Variants in CABIN1 observed in about 807,000 individuals in gnomAD.
CABIN1 encodes calcineurin-binding protein cabin-1.
In CABIN1, 133 loss-of-function variants were observed where a neutral mutation model predicts 227.7. The observed-to-expected ratio is 0.58, with a 90% confidence interval of 0.51 to 0.67. The LOEUF (loss-of-function observed/expected upper bound fraction) is 0.67, where lower values mean the gene tolerates loss of function less well. Ranked by LOEUF, CABIN1 falls within the 30% of genes least tolerant of loss-of-function variation. The pLI is 0.00. For synonymous variants in CABIN1, 1,086 were observed against 1,155.1 expected (o/e 0.94, Z 1.21); for missense variants, 2,408 against 2,852.5 (o/e 0.84, Z 3.55).
Position 24,136,524 on chromosome 22 carries a change from A to ATTTTTTTTTTTTTTT in CABIN1, c.4746+2119_4746+2133dup, listed in dbSNP as rs145864566. Among the ~76,000 whole-genome samples, 170 of 69,870 alleles carry ATTTTTTTTTTTTTTT rather than the reference A, an allele frequency of 2.4e-3. 17 individuals carry two copies. The highest frequency in any genetic ancestry group is 7.8e-3 in the African/African-American group (129 of 16,478). 45.8% of individuals were successfully genotyped at this position (69,870 alleles called of 152,430 possible). A position where few individuals can be genotyped will look rare whatever the true frequency, so the allele number is the denominator to read the frequency against. On this transcript the variant is annotated intron_variant, in intron 29 of 36. Transcript: ENST00000263119. The stretch of plus-strand genomic sequence containing the variant: ...ACTGCCACGCCCAGCTAATTTTTGT[A>ATTTTTTTTTTTTTTT]TTTTTTTTTTTTTTTTTTTTTTTTA...
chr22:24,165,526 G>A lies in CABIN1; in HGVS notation c.4911-4G>A, dbSNP rs375019224. The A allele has an allele frequency of 6.8e-5, 110 of 1,611,470 alleles. No individual in the cohort carries two copies. Among genetic ancestry groups the A allele is most frequent in the Non-Finnish European group, 9.0e-5 (106 of 1,179,338 alleles). On this transcript the variant is annotated splice_region_variant and splice_polypyrimidine_tract_variant and intron_variant, in intron 30 of 36. Transcript: ENST00000263119. ...CCTCTCTGACTACCCCTGTATGACCGCAGGAAGTATCTGCGAGATGCTGAC... is the reference window on the plus strand; with the variant it reads ...CCTCTCTGACTACCCCTGTATGACCACAGGAAGTATCTGCGAGATGCTGAC...
intron 28 of CABIN1, 103 bp downstream of exon 28, chr22:24,119,801 C>G (rs2043295619): frequency 2.6e-6 from 3 of 1,139,788 alleles, no homozygotes; most frequent in Non-Finnish European, 4.0e-6. Flanking sequence ...TTCACGGTAG[C>G]AGCACATGGG....
At chr22:24,031,619 A>G (rs2036501764) in intron 1 of CABIN1, among the ~76,000 whole-genome samples, 1 of 152,224 alleles carries the variant, frequency 6.6e-6, no homozygotes, top group African/African-American at 2.4e-5. Flanking sequence ...GCAGCAGTTC[A>G]GACGGAGGCT....
intron 1 of CABIN1, among the ~76,000 whole-genome samples, chr22:24,013,320 C>G (rs1480855825): frequency 1.3e-5 from 2 of 151,376 alleles, no homozygotes; most frequent in Admixed American, 1.3e-4. Flanking sequence ...CCTCAGCCTC[C>G]CTAGTAGCTG....
chr22:24,066,977 C>T lies in CABIN1; in HGVS notation c.2038-10C>T. On this transcript the variant is annotated splice_polypyrimidine_tract_variant and intron_variant, in intron 15 of 36. Coordinates refer to ENST00000263119, the MANE Select transcript of CABIN1 (RefSeq NM_012295.4). ...TTTACCCTCATACAGCATTGCCGGG[C>T]CTTTTTCAGATTGATAAGAACCTGA... The T allele has an allele frequency of 6.2e-7, 1 of 1,614,124 alleles. No individual in the cohort carries two copies. The highest frequency in any genetic ancestry group is 8.5e-7 in the Non-Finnish European group (1 of 1,179,968).
At chr22:24,063,232 G>GTA (rs1601858187) in intron 14 of CABIN1, 86 bp downstream of exon 14, 1 of 1,322,832 alleles carries the variant, frequency 7.6e-7, no homozygotes, top group East Asian at 2.3e-5. Flanking sequence ...GGGTGTGTGT[G>GTA]TGTATGTGTG....
chr22:24,032,366 A>G (rs2036558047), intron 1 of CABIN1, among the ~76,000 whole-genome samples: 4 of 152,222 alleles, frequency 2.6e-5, no homozygotes, highest in Admixed American at 2.6e-4. Context: ...TGTATACACC[A>G]CATTTTGTTC....
intron 1 of CABIN1, among the ~76,000 whole-genome samples, chr22:24,015,591 G>A (rs1050378352): frequency 3.3e-5 from 5 of 151,678 alleles, no homozygotes; most frequent in Admixed American, 1.3e-4. Flanking sequence ...TGATCCGCCC[G>A]CCTCAGCCTC....
intron 29 of CABIN1, chr22:24,155,873 C>G: frequency 6.9e-6 from 3 of 432,306 alleles, no homozygotes. Flanking sequence ...CCGCCACCAG[C>G]GGCCAGTCCA....
chr22:24,034,647 T>C (rs545827363), intron 1 of CABIN1, among the ~76,000 whole-genome samples: 13 of 152,348 alleles, frequency 8.5e-5, no homozygotes, highest in African/African-American at 3.1e-4. Flanking sequence ...CCTGGTCATA[T>C]GCTAGCTCTG....
chr22:24,117,863 C>A (rs998633806), intron 27 of CABIN1, among the ~76,000 whole-genome samples: 3 of 152,242 alleles, frequency 2.0e-5, no homozygotes, highest in African/African-American at 7.2e-5. Context: ...AGCATTATGG[C>A]TTACCCTGTT....
intron 34 of CABIN1, among the ~76,000 whole-genome samples, chr22:24,175,269 G>A (rs527819431): frequency 6.6e-6 from 1 of 152,234 alleles, no homozygotes; most frequent in Non-Finnish European, 1.5e-5. Context: ...GGCCATGGCC[G>A]CTGAGGCCTC....
At chr22:24,056,515 T>C (rs2038810655) in intron 10 of CABIN1, 155 bp downstream of exon 10, 3 of 746,680 alleles carry the variant, frequency 4.0e-6, no homozygotes, top group Non-Finnish European at 6.6e-6. Context: ...CAAATCTCAC[T>C]GGAGTAGGAT....
At chr22:24,049,750 G>A (rs1401903079) in intron 7 of CABIN1, among the ~76,000 whole-genome samples, 2 of 152,114 alleles carry the variant, frequency 1.3e-5, no homozygotes, top group Non-Finnish European at 2.9e-5. Flanking sequence ...CAAGTCCCTT[G>A]CAGTTTCCAG....
chr22:24,064,226 A>T, intron 15 of CABIN1, 39 bp downstream of exon 15: 6 of 1,610,046 alleles, frequency 3.7e-6, no homozygotes, highest in Non-Finnish European at 5.1e-6. Context: ...GTTTCCTGAG[A>T]TGGAGTTTCA....
At chr22:24,093,286 C>A (rs1352852128) in intron 24 of CABIN1, among the ~76,000 whole-genome samples, 1 of 152,178 alleles carries the variant, frequency 6.6e-6, no homozygotes, top group African/African-American at 2.4e-5. Flanking sequence ...TATGGTGGCT[C>A]ACGCCTGTAA....
intron 3 of CABIN1, 33 bp downstream of exon 3, chr22:24,036,214 C>T (rs779749910): frequency 2.8e-6 from 4 of 1,432,300 alleles, no homozygotes; most frequent in Non-Finnish European, 3.9e-6. Flanking sequence ...TGTAGGTGGA[C>T]CTTCTCATTT....
intron 11 of CABIN1, 58 bp from the exon 12 acceptor site, chr22:24,059,866 G>C (rs1166890418): frequency 7.0e-7 from 1 of 1,437,478 alleles, no homozygotes; most frequent in African/African-American, 1.4e-5. Flanking sequence ...GTAAATAGGA[G>C]ACCCTGGCAT....
intron 9 of CABIN1, 40 bp downstream of exon 9, chr22:24,055,199 G>A (rs368594130): frequency 8.1e-6 from 13 of 1,599,478 alleles, no homozygotes; most frequent in South Asian, 7.7e-5. Context: ...GGGAGACCCC[G>A]TTCACTGAGC....
Sources: allele counts gnomAD v4.1 joint callset (sites outside exome capture counted in the v4.1 genomes callset), GRCh38; gene constraint gnomAD v4.1.1; transcripts MANE v1.5; gene names NCBI Gene and HGNC (gene_info 2026-07-23, HGNC 2026-07-21).